Variants in MUC17 observed in about 807,000 individuals in gnomAD.
MUC17 encodes the protein mucin-17.
A neutral mutation model predicts 170.3 loss-of-function variants in MUC17; 190 were observed. That is an observed-to-expected ratio of 1.12 (90% CI 0.99 to 1.26). The LOEUF (loss-of-function observed/expected upper bound fraction) is 1.26, where lower values mean the gene tolerates loss of function less well. MUC17 is among the 50% of genes most tolerant of loss of function. MUC17 has a pLI of 0.00. For missense variants in MUC17, 6,415 were observed against 5,530.0 expected (o/e 1.16, Z -5.08); for synonymous variants, 2,325 against 2,002.5 (o/e 1.16, Z -4.30).
In MUC17 at chr7:101,040,054, C is replaced by T. The variant is rs1351890399; in HGVS notation, c.8638C>T (p.Pro2880Ser). Residue 2880 changes from proline to serine, a missense_variant, in exon 3 of 13, where the codon CCG becomes TCG. Pro to Ser is a moderately conservative substitution (Grantham distance 74, BLOSUM62 -1). Transcript: ENST00000306151. ...LLTSIPVSTT[P>S]VASSEASTLS... Reference sequence around the variant, plus strand: ...AACAAGTATACCTGTCAGCACCACGCCGGTGGCCAGTTCTGAGGCTAGCAC... The same window carrying T: ...AACAAGTATACCTGTCAGCACCACGTCGGTGGCCAGTTCTGAGGCTAGCAC... 2 of 1,613,228 alleles carry T rather than the reference C, an allele frequency of 1.2e-6. No homozygotes were observed. Among genetic ancestry groups the T allele is most frequent in the Non-Finnish European group, 1.7e-6 (2 of 1,179,766 alleles).
rs1562818892 is a variant in MUC17, at chr7:101,042,577, A to G, written c.11161A>G (p.Thr3721Ala). The change falls in exon 3 of 13, where the codon ACC (threonine) becomes GCC (alanine). Residue 3721 changes from threonine (T) to alanine (A), a missense_variant. Physicochemically the swap from Thr to Ala is moderately conservative, Grantham distance 58. Coordinates refer to ENST00000306151, the MANE Select transcript of MUC17 (RefSeq NM_001040105.2). Reference sequence around the variant, plus strand: ...CACCCTTTCAACACCTTCTGTTGTCACCAGCACACCTGTGACCACTTCTAC... The same window carrying G: ...CACCCTTTCAACACCTTCTGTTGTCGCCAGCACACCTGTGACCACTTCTAC... ...GSTLSTPSVVTSTPVTTSTEA... is the reference protein window; with the variant it reads ...GSTLSTPSVVASTPVTTSTEA... 2 of 1,614,038 alleles carry G rather than the reference A, an allele frequency of 1.2e-6. No individual in the cohort carries two copies.
intron 3 of MUC17, among the ~76,000 whole-genome samples, chr7:101,045,407 T>C (rs1012998044): frequency 6.6e-6 from 1 of 151,884 alleles, no homozygotes; most frequent in East Asian, 2.0e-4. Context: ...TTTTCTTTTT[T>C]TTTTTGATGG....
intron 1 of MUC17, among the ~76,000 whole-genome samples, chr7:101,023,742 G>A (rs1046154430): frequency 1.3e-5 from 2 of 152,180 alleles, no homozygotes; most frequent in African/African-American, 2.4e-5. Flanking sequence ...TAGATACCCA[G>A]TAGTGGGATT....
At chr7:101,052,145 C>T (rs1168079832) in intron 9 of MUC17, among the ~76,000 whole-genome samples, 183 bp downstream of exon 9, 1 of 152,188 alleles carries the variant, frequency 6.6e-6, no homozygotes, top group Non-Finnish European at 1.5e-5. Context: ...AGTAGTTGAG[C>T]TCCAAGGCTG....
rs762353876 is a variant in MUC17, at chr7:101,032,167, G to A, written c.751G>A (p.Ala251Thr). The A allele has an allele frequency of 1.2e-5, 19 of 1,613,252 alleles. No homozygotes were observed. In the African/African-American group the frequency reaches 2.0e-4, roughly 17 times the overall value. The change falls in exon 3 of 13, where the codon GCT (alanine) becomes ACT (threonine). Residue 251 changes from alanine (A) to threonine (T), a missense_variant. Coordinates refer to ENST00000306151, the MANE Select transcript of MUC17 (RefSeq NM_001040105.2). The part of the protein sequence containing the change: ...VEISTPVTIS[A>T]QASSSPTTAE... ...AATCAGCACACCTGTGACCATTTCT[G>A]CTCAAGCCAGTTCATCTCCTACAAC...
Position 101,037,637 on chromosome 7 carries a change from A to T in MUC17, c.6221A>T (p.Gln2074Leu), listed in dbSNP as rs745717887. Residue 2074 changes from glutamine to leucine, a missense_variant, in exon 3 of 13, where the codon CAG becomes CTG. Coordinates refer to ENST00000306151, the MANE Select transcript of MUC17 (RefSeq NM_001040105.2). ...LSTTPVDSKT[Q>L]VTNSTEASSS... The stretch of plus-strand genomic sequence containing the variant: ...ACAACTCCTGTTGACTCCAAAACTC[A>T]GGTGACCAATTCTACTGAAGCCAGT... 9 of 1,612,592 alleles carry T rather than the reference A, an allele frequency of 5.6e-6. No individual in the cohort carries two copies. Among genetic ancestry groups the T allele is most frequent in the Admixed American group, 5.0e-5 (3 of 59,900 alleles).
Position 101,058,031 on chromosome 7 carries a change from C to T in MUC17, c.13469C>T (p.Thr4490Met), listed in dbSNP as rs534194993. The change falls in exon 13 of 13, where the codon ACG (threonine) becomes ATG (methionine). Residue 4490 changes from threonine (T) to methionine (M), a missense_variant. Coordinates refer to ENST00000306151, the MANE Select transcript of MUC17 (RefSeq NM_001040105.2). ...CGAATTCAGAGGCCTCAGGTAATGA[C>T]GACATCATTTTAAGGCATGGAGCTG... ...KIRIQRPQVM[T>M]TSF 17 of 1,613,914 alleles carry T rather than the reference C, an allele frequency of 1.1e-5. No homozygotes were observed. Among genetic ancestry groups the T allele is most frequent in the Middle Eastern group, 3.3e-4 (2 of 6,062 alleles).
At chr7:101,022,909 G>C (rs1359444868) in intron 1 of MUC17, among the ~76,000 whole-genome samples, 1 of 152,098 alleles carries the variant, frequency 6.6e-6, no homozygotes, top group Non-Finnish European at 1.5e-5. Context: ...TGCAACCACA[G>C]GGGACCAGAA....
intron 11 of MUC17, 170 bp downstream of exon 11, chr7:101,053,606 T>TA (rs1187235340): frequency 4.4e-4 from 211 of 484,242 alleles, no homozygotes; most frequent in Middle Eastern, 1.1e-3. Context: ...CTCTATCTCT[T>TA]AAAAAAAAAT....
Position 101,034,952 on chromosome 7 carries a change from C to T in MUC17, c.3536C>T (p.Thr1179Ile), listed in dbSNP as rs765457267. Reference sequence around the variant, plus strand: ...CTGGTGGTCAGTTCTGAGGCTAACACCCTTTCAACAACTCCTGTGGACTCC... The same window carrying T: ...CTGGTGGTCAGTTCTGAGGCTAACATCCTTTCAACAACTCCTGTGGACTCC... The part of the protein sequence containing the change: ...TTLVVSSEAN[T>I]LSTTPVDSKT... The change falls in exon 3 of 13, where the codon ACC (threonine) becomes ATC (isoleucine). Residue 1179 changes from threonine (T) to isoleucine (I), a missense_variant. Physicochemically the swap from Thr to Ile is moderately conservative, Grantham distance 89. Transcript: ENST00000306151. 3.7e-6 allele frequency: 6 copies of T among 1,614,066 alleles called. No homozygotes were observed. In the East Asian group the frequency reaches 1.3e-4, roughly 36 times the overall value.
At position 101,034,707 on chromosome 7, in the gene MUC17, T is replaced by A. The variant is rs11769696; in HGVS notation, c.3291T>A (p.Ser1097Arg). ...CCAGCATGCCAACCTCAACTTATAG[T>A]GAAGGAAGCACTCCACTAACAAGTG... ...DGTSMPTSTY[S>R]EGSTPLTSVP... The change falls in exon 3 of 13, where the codon AGT becomes AGA. Residue 1097 changes from serine (S) to arginine (R), a missense_variant. Coordinates refer to ENST00000306151, the MANE Select transcript of MUC17 (RefSeq NM_001040105.2). 152,772 of 1,578,248 alleles carry A rather than the reference T, an allele frequency of 0.097. No individual in the cohort carries two copies. The highest frequency in any genetic ancestry group is 0.17 in the African/African-American group (11,686 of 69,218).
At chr7:101,025,340 G>A (rs1240064863) in intron 1 of MUC17, among the ~76,000 whole-genome samples, 1 of 151,526 alleles carries the variant, frequency 6.6e-6, no homozygotes, top group Non-Finnish European at 1.5e-5. Flanking sequence ...TCCAGCCTGG[G>A]TGACAGAGGG....
rs538960135 is a variant in MUC17 at position 101,041,934 on chromosome 7, C to T, written c.10518C>T (p.Ser3506=). Residue 3506 remains serine (S), a synonymous_variant, in exon 3 of 13, where the codon AGC becomes AGT. Coordinates refer to ENST00000306151, the MANE Select transcript of MUC17 (RefSeq NM_001040105.2). The part of the protein sequence containing the change: ...NSSPTTAEVT[S]MPTSTAGEGS... Reference sequence around the variant, plus strand: ...CTCCTACAACTGCTGAAGTTACCAGCATGCCAACATCAACTGCTGGTGAAG... The same window carrying T: ...CTCCTACAACTGCTGAAGTTACCAGTATGCCAACATCAACTGCTGGTGAAG... 3.7e-6 allele frequency: 6 copies of T among 1,613,088 alleles called. No individual in the cohort carries two copies. Among genetic ancestry groups the T allele is most frequent in the Non-Finnish European group, 5.1e-6 (6 of 1,179,804 alleles).
Position 101,042,080 on chromosome 7 carries a change from G to C in MUC17, c.10664G>C (p.Ser3555Thr), listed in dbSNP as rs753070467. 34 of 1,614,048 alleles carry C rather than the reference G, an allele frequency of 2.1e-5. No individual in the cohort carries two copies. Among genetic ancestry groups the C allele is most frequent in the Non-Finnish European group, 2.9e-5 (34 of 1,180,006 alleles). The part of the protein sequence containing the change: ...NTFVTSSSQA[S>T]SSPATLQVTT... ...TTTGTTACCAGTTCTAGTCAAGCCAGTTCATCTCCAGCAACTCTTCAGGTC... is the reference window on the plus strand; with the variant it reads ...TTTGTTACCAGTTCTAGTCAAGCCACTTCATCTCCAGCAACTCTTCAGGTC... Residue 3555 changes from serine to threonine, a missense_variant, in exon 3 of 13, where the codon AGT becomes ACT. Physicochemically the swap from Ser to Thr is moderately conservative, Grantham distance 58 (BLOSUM62 1). Coordinates refer to ENST00000306151, the MANE Select transcript of MUC17 (RefSeq NM_001040105.2).
At chr7:101,031,075 G>A in intron 1 of MUC17, 45 bp from the exon 2 acceptor site, 3 of 1,572,444 alleles carry the variant, frequency 1.9e-6, no homozygotes, top group Non-Finnish European at 2.6e-6. Context: ...GAGAATGAAG[G>A]AAGATCATGG....
At position 101,058,624 on chromosome 7, in the gene MUC17, C is replaced by T. The variant is rs1281633907; in HGVS notation, c.*580C>T. The T allele has an allele frequency of 6.6e-6, 1 of 152,236 alleles. No homozygotes were observed. The highest frequency in any genetic ancestry group is 2.4e-5 in the African/African-American group (1 of 41,456). The allele number at this position is 152,236 out of a possible 1,614,324, so 9.4% of individuals were successfully genotyped here. On this transcript the variant is annotated 3_prime_UTR_variant, in exon 13 of 13. Coordinates refer to ENST00000306151, the MANE Select transcript of MUC17 (RefSeq NM_001040105.2). Reference sequence around the variant, plus strand: ...GACCCGCTGTTTACAACCATGACCCCTTGGACACTGGACTGCATGCACTTT... The same window carrying T: ...GACCCGCTGTTTACAACCATGACCCTTTGGACACTGGACTGCATGCACTTT...
rs1359890046 is a variant in MUC17 at position 101,056,271 on chromosome 7, G to A, written c.13440+1G>A. ...GAGACACATAGACCCTGAAACAAAGGTAAGAAGGGCCTGGATGGGATGCTG... is the reference window on the plus strand; with the variant it reads ...GAGACACATAGACCCTGAAACAAAGATAAGAAGGGCCTGGATGGGATGCTG... On this transcript the variant is annotated splice_donor_variant, in intron 12 of 12. Transcript: ENST00000306151. LOFTEE classifies it high-confidence loss of function. 1.9e-6 allele frequency: 3 copies of A among 1,613,576 alleles called. No individual in the cohort carries two copies. The highest frequency in any genetic ancestry group is 2.2e-5 in the South Asian group (2 of 91,034).
intron 3 of MUC17, among the ~76,000 whole-genome samples, chr7:101,044,709 G>A (rs1206305809): frequency 1.3e-5 from 2 of 152,072 alleles, no homozygotes; most frequent in African/African-American, 4.8e-5. Flanking sequence ...ACTCTGAGTG[G>A]TTTGTTTTCT....
rs199722733 is a variant in MUC17, at chr7:101,056,268, A to C, written c.13438A>C (p.Lys4480Gln). 1 of 1,613,742 alleles carries C rather than the reference A, an allele frequency of 6.2e-7. No homozygotes were observed. The highest frequency in any genetic ancestry group is 1.3e-5 in the African/African-American group (1 of 75,010). Reference protein sequence around the residue: ...PSLRHIDPETKIRIQRPQVMT... With the variant: ...PSLRHIDPETQIRIQRPQVMT... ...CTTGAGACACATAGACCCTGAAACA[A>C]AGGTAAGAAGGGCCTGGATGGGATG... The change falls in exon 12 of 13, where the codon AAG (lysine) becomes CAG (glutamine). Residue 4480 changes from lysine (K) to glutamine (Q), a missense_variant and splice_region_variant. Physicochemically the swap from Lys to Gln is moderately conservative, Grantham distance 53 (BLOSUM62 1). Transcript: ENST00000306151.
Sources: gnomAD v4.1 joint callset for allele counts (sites outside exome capture counted in the v4.1 genomes callset) on GRCh38, gnomAD v4.1.1 for gene constraint, MANE v1.5 for transcripts, NCBI Gene and HGNC (gene_info 2026-07-23, HGNC 2026-07-21) for gene names.